Variants in SH2D5 observed in about 807,000 individuals in gnomAD.
SH2D5 encodes the protein SH2 domain-containing protein 5.
In SH2D5, 45 loss-of-function variants were observed where a neutral mutation model predicts 48.2. That is an observed-to-expected ratio of 0.93 (90% CI 0.73 to 1.20). The LOEUF is 1.20. Ranked by LOEUF, SH2D5 falls within the 50% of genes most tolerant of loss-of-function variation. The pLI, the probability that SH2D5 is intolerant of heterozygous loss-of-function variation, is 0.00. For synonymous variants in SH2D5, 230 were observed against 249.8 expected (o/e 0.92, Z 0.75); for missense variants, 538 against 584.1 (o/e 0.92, Z 0.81).
chr1:20,724,955 C>T (rs376366980), intron 5 of SH2D5, among the ~76,000 whole-genome samples: 8 of 152,228 alleles, frequency 5.3e-5, no homozygotes, highest in African/African-American at 1.7e-4. Context: ...GCCACATCAG[C>T]GCCCTCTTCC....
intron 2 of SH2D5, 109 bp from the exon 3 acceptor site, chr1:20,727,712 G>A: frequency 9.1e-7 from 1 of 1,103,018 alleles, no homozygotes; most frequent in Non-Finnish European, 1.3e-6. Flanking sequence ...AGGCGTGTCT[G>A]TGGACAGACA....
chr1:20,730,306 CGGGG>C (rs58462623), intron 1 of SH2D5, among the ~76,000 whole-genome samples: 26,737 of 134,510 alleles, frequency 0.2, 3,481 homozygotes, highest in East Asian at 0.7. Context: ...CCATCCTGCT[CGGGG>C]GGGGGGGGGA....
At chr1:20,730,526 C>A (rs1245520488) in intron 1 of SH2D5, among the ~76,000 whole-genome samples, 1 of 152,176 alleles carries the variant, frequency 6.6e-6, no homozygotes, top group Admixed American at 6.5e-5. Flanking sequence ...CCTACCATCA[C>A]CTGATCCTTT....
Position 20,721,738 on chromosome 1 carries a change from C to G in SH2D5, c.*54G>C. ...GGGTGCAGGACGGGCAGAGATGCTG[C>G]TGGGGCCCAGGAGCCGGGGTGAGGC... is the stretch of plus-strand genomic sequence containing the variant. On this transcript the variant is annotated 3_prime_UTR_variant, in exon 10 of 10. Transcript: ENST00000444387. The G allele has an allele frequency of 6.9e-7, 1 of 1,445,114 alleles. No homozygotes were observed. The highest frequency in any genetic ancestry group is 9.2e-7 in the Non-Finnish European group (1 of 1,087,284). The allele number at this position is 1,445,114 out of a possible 1,614,324, so 89.5% of individuals were successfully genotyped here.
At position 20,724,033 on chromosome 1, in the gene SH2D5, C is replaced by CGG. The variant is rs1000184567; in HGVS notation, c.799+48_799+49dup. ...CACCTCTGGCTGGTCCAGGAGCGCA[C>CGG]GGGCACGTGTCCCAGGTACACACAG... On this transcript the variant is annotated intron_variant, in intron 7 of 9. Transcript: ENST00000444387. 4 of 1,583,454 alleles carry CGG rather than the reference C, an allele frequency of 2.5e-6. No homozygotes were observed. In the African/African-American group the frequency reaches 5.4e-5, roughly 21 times the overall value.
In SH2D5 at chr1:20,725,958, G is replaced by T. The variant is rs761379820; in HGVS notation, c.352C>A (p.Leu118Ile). The change falls in exon 5 of 10, where the codon CTC (leucine) becomes ATC (isoleucine). Residue 118 changes from leucine to isoleucine, a missense_variant. Transcript: ENST00000444387. ...ARNPRSPASK[L>I]FCHLFVGSQP... ...CTGCCCACAAAGAGGTGGCAGAAGA[G>T]CTTGCTGGCTGGGCTCCGTGGGTTT... The T allele has an allele frequency of 6.2e-7, 1 of 1,613,452 alleles. No homozygotes were observed. Among genetic ancestry groups the T allele is most frequent in the Non-Finnish European group, 8.5e-7 (1 of 1,179,994 alleles).
chr1:20,722,978 C>A (rs1336831159), intron 8 of SH2D5, 63 bp from the exon 9 acceptor site: 2 of 1,395,170 alleles, frequency 1.4e-6, no homozygotes, highest in Admixed American at 2.9e-5. Flanking sequence ...GTCATGAGGA[C>A]CCCAGCAGCA....
rs867518882 is a variant in SH2D5 at position 20,723,521 on chromosome 1, C to T, written c.908+105G>A. 50 of 825,770 alleles carry T rather than the reference C, an allele frequency of 6.1e-5. No individual in the cohort carries two copies. The African/African-American group carries it at 6.7e-4, about 11-fold the overall frequency. 51.2% of individuals were successfully genotyped at this position (825,770 alleles called of 1,614,324 possible). ...GGCCTGAGGTCACTGAGGTTGGGAG[C>T]GCTCTGCCCGTGCACGGGAGTGTGT... On this transcript the variant is annotated intron_variant, in intron 8 of 9. Transcript: ENST00000444387.
chr1:20,727,102 G>A (rs756873012), intron 3 of SH2D5, 27 bp from the exon 4 acceptor site: 14 of 1,595,188 alleles, frequency 8.8e-6, no homozygotes, highest in Non-Finnish European at 1.2e-5. Flanking sequence ...AGTGGGGACA[G>A]GCACCACCTC....
In SH2D5 at chr1:20,729,696, G is replaced by A. The variant is rs1186981249; in HGVS notation, c.-42-1610C>T. Among the ~76,000 whole-genome samples, 1 of 152,062 alleles carries A rather than the reference G, an allele frequency of 6.6e-6. No homozygotes were observed. The highest frequency in any genetic ancestry group is 6.6e-5 in the Admixed American group (1 of 15,258). On this transcript the variant is annotated intron_variant, in intron 1 of 9. Transcript: ENST00000444387. This position sits in a 1 kb window ranked among gnomAD's most constrained non-coding sequence, Gnocchi z 4.2. ...GGGTGTGCTCCCACTCAAGGAGGAG[G>A]GCTGGGGTGCTTTGGAACTGACTCT...
At chr1:20,726,876 A>AGG in intron 4 of SH2D5, 125 bp downstream of exon 4, 1 of 744,338 alleles carries the variant, frequency 1.3e-6, no homozygotes, top group South Asian at 2.6e-5. Context: ...CTGGCGCGCC[A>AGG]GGGGGACCCC....
At chr1:20,727,241 G>A (rs2054819519) in intron 3 of SH2D5, among the ~76,000 whole-genome samples, 166 bp from the exon 4 acceptor site, 1 of 152,102 alleles carries the variant, frequency 6.6e-6, no homozygotes, top group African/African-American at 2.4e-5. Flanking sequence ...AGTGGGGATG[G>A]CTCCTGGCAG....
rs1487819791 is a variant in SH2D5 at position 20,720,193 on chromosome 1, CAG to C, written c.*1597_*1598del. The C allele has an allele frequency of 2.0e-5, 3 of 152,266 alleles. No individual in the cohort carries two copies. Among genetic ancestry groups the C allele is most frequent in the Non-Finnish European group, 4.4e-5 (3 of 68,072 alleles). The allele number at this position is 152,266 out of a possible 1,614,324, so 9.4% of individuals were successfully genotyped here. ...GGCTCCAGTACAGATGGCTGTAAAA[CAG>C]AGTCCCAGCTTCCCACTCACTCAAC... is the stretch of plus-strand genomic sequence containing the variant. On this transcript the variant is annotated 3_prime_UTR_variant, in exon 10 of 10. Transcript: ENST00000444387.
At chr1:20,730,361 G>A (rs1481019033) in intron 1 of SH2D5, among the ~76,000 whole-genome samples, 11 of 151,860 alleles carry the variant, frequency 7.2e-5, no homozygotes, top group African/African-American at 1.2e-4. Flanking sequence ...GGGAGGAGCC[G>A]TGCGGGCATC....
chr1:20,731,818 C>T (rs918298022), intron 1 of SH2D5, among the ~76,000 whole-genome samples: 3 of 152,024 alleles, frequency 2.0e-5, no homozygotes, highest in Admixed American at 2.0e-4. Context: ...GGCCAGGGGC[C>T]CCGGCAGAGT....
rs773978068 is a variant in SH2D5, at chr1:20,721,764, G to A, written c.*28C>T. The A allele has an allele frequency of 6.0e-6, 9 of 1,487,712 alleles. No homozygotes were observed. The highest frequency in any genetic ancestry group is 8.1e-6 in the Non-Finnish European group (9 of 1,112,380). The allele number at this position is 1,487,712 out of a possible 1,614,324, so 92.2% of individuals were successfully genotyped here. Reference sequence around the variant, plus strand: ...TGGGGCCCAGGAGCCGGGGTGAGGCGGGGCCTGTGGGACCGGGGCCCTACC... The same window carrying A: ...TGGGGCCCAGGAGCCGGGGTGAGGCAGGGCCTGTGGGACCGGGGCCCTACC... On this transcript the variant is annotated 3_prime_UTR_variant, in exon 10 of 10. Transcript: ENST00000444387.
In SH2D5 at chr1:20,726,893, A is replaced by G. The variant is rs2054811179; in HGVS notation, c.243+108T>C. The G allele has an allele frequency of 3.3e-6, 3 of 903,526 alleles. No homozygotes were observed. In the South Asian group the frequency reaches 7.0e-5, roughly 21 times the overall value. The allele number at this position is 903,526 out of a possible 1,614,324, so 56.0% of individuals were successfully genotyped here. ...GGCGCGCCAGGGGGACCCCAGGGGA[A>G]GCACGGGGGCCGAGCTAAGGCCAGG... On this transcript the variant is annotated intron_variant, in intron 4 of 9. Coordinates refer to ENST00000444387, the MANE Select transcript of SH2D5 (RefSeq NM_001103161.2).
In SH2D5 at chr1:20,721,610, A is replaced by G; in HGVS notation, c.*182T>C. 1.8e-6 allele frequency: 1 copy of G among 541,648 alleles called. No homozygotes were observed. Among genetic ancestry groups the G allele is most frequent in the Non-Finnish European group, 3.2e-6 (1 of 315,730 alleles). 33.6% of individuals were successfully genotyped at this position (541,648 alleles called of 1,614,324 possible). On this transcript the variant is annotated 3_prime_UTR_variant, in exon 10 of 10. Coordinates refer to ENST00000444387, the MANE Select transcript of SH2D5 (RefSeq NM_001103161.2). ...TCAGCAGGCCACATGTTCTCCAAGA[A>G]GCCATTGGCGATACCCACCCTCAGG...
intron 1 of SH2D5, among the ~76,000 whole-genome samples, chr1:20,731,795 C>T (rs913337393): frequency 5.9e-5 from 9 of 152,042 alleles, no homozygotes; most frequent in Non-Finnish European, 8.8e-5. Context: ...TCGCTCGGGG[C>T]GCTGCGGGGA....
Sources: gnomAD v4.1 joint callset for allele counts (sites outside exome capture counted in the v4.1 genomes callset) on GRCh38, gnomAD v4.1.1 for gene constraint, Gnocchi (gnomAD v3.1) non-coding constraint, MANE v1.5 for transcripts, NCBI Gene and HGNC (gene_info 2026-07-23, HGNC 2026-07-21) for gene names.